Variants in MSRA observed in about 807,000 individuals in gnomAD.
MSRA encodes the protein mitochondrial peptide methionine sulfoxide reductase.
In MSRA, 54 loss-of-function variants were observed where a neutral mutation model predicts 31.3. That is an observed-to-expected ratio of 1.73 (90% CI 1.39 to 2.17). MSRA has a LOEUF of 2.17. MSRA is among the 30% of genes most tolerant of loss of function. The pLI is 0.00. For synonymous variants in MSRA, 169 were observed against 116.5 expected, an observed-to-expected ratio of 1.45 and a Z score of -2.90; for missense variants, 507 against 300.9, an observed-to-expected ratio of 1.69 and a Z score of -5.07.
chr8:10,275,096 T>C (rs924122617), intron 3 of MSRA, among the ~76,000 whole-genome samples: 4 of 152,306 alleles, frequency 2.6e-5, no homozygotes, highest in East Asian at 1.9e-4. Flanking sequence ...ATAATTCTTA[T>C]TTGCTGCCTT....
chr8:10,072,302 A>C (rs1315557128), intron 1 of MSRA, among the ~76,000 whole-genome samples: 1 of 37,898 alleles, frequency 2.6e-5, no homozygotes, highest in Non-Finnish European at 4.6e-5. Flanking sequence ...TCCCTTTCGC[A>C]ACATTTTTTT....
intron 2 of MSRA, among the ~76,000 whole-genome samples, chr8:10,212,008 G>T (rs377237790): frequency 1.3e-5 from 2 of 152,024 alleles, no homozygotes; most frequent in Admixed American, 6.5e-5. Context: ...AAGATTCTTG[G>T]TACAATTAAA....
At chr8:10,354,335 G>A (rs1296685970) in intron 5 of MSRA, among the ~76,000 whole-genome samples, 1 of 152,146 alleles carries the variant, frequency 6.6e-6, no homozygotes, top group Non-Finnish European at 1.5e-5. Context: ...AGATTCAAGG[G>A]TAGCACACAC....
intron 4 of MSRA, among the ~76,000 whole-genome samples, chr8:10,303,690 G>T (rs1465494841): frequency 1.3e-5 from 2 of 152,160 alleles, no homozygotes; most frequent in Non-Finnish European, 2.9e-5. Flanking sequence ...CTTTCCATAG[G>T]TCAGTGGCCT....
chr8:10,308,001 C>T (rs924069446), intron 4 of MSRA, among the ~76,000 whole-genome samples: 27 of 152,196 alleles, frequency 1.8e-4, no homozygotes, highest in African/African-American at 6.5e-4. Flanking sequence ...CATTCTCTTC[C>T]ACTTCCTCCC....
At chr8:10,091,284 A>C (rs1798841263) in intron 1 of MSRA, among the ~76,000 whole-genome samples, 1 of 152,224 alleles carries the variant, frequency 6.6e-6, no homozygotes, top group Non-Finnish European at 1.5e-5. Flanking sequence ...AAAGTGACAA[A>C]AATTGTATTT....
intron 2 of MSRA, among the ~76,000 whole-genome samples, chr8:10,221,257 C>T (rs182347185): frequency 1.3e-5 from 2 of 152,278 alleles, no homozygotes; most frequent in Middle Eastern, 3.4e-3. Flanking sequence ...AACAGCTTTT[C>T]AATTGCTGTG....
At chr8:10,346,258 A>T (rs1265350795) in intron 5 of MSRA, among the ~76,000 whole-genome samples, 1 of 152,164 alleles carries the variant, frequency 6.6e-6, no homozygotes, top group Non-Finnish European at 1.5e-5. Flanking sequence ...TCCTGAAAAT[A>T]TGGGAGTATA....
At chr8:10,426,167 C>G (rs944103378) in intron 5 of MSRA, among the ~76,000 whole-genome samples, 4 of 152,214 alleles carry the variant, frequency 2.6e-5, no homozygotes, top group African/African-American at 9.7e-5. Flanking sequence ...AAATCTACCC[C>G]TGTTAGTTAG....
intron 3 of MSRA, among the ~76,000 whole-genome samples, chr8:10,272,919 C>G (rs1000770528): frequency 1.3e-5 from 2 of 152,108 alleles, no homozygotes; most frequent in Non-Finnish European, 2.9e-5. Flanking sequence ...TTAGGAGAAA[C>G]TGCACAAGTT....
At chr8:10,267,659 A>T (rs1300254773) in intron 3 of MSRA, among the ~76,000 whole-genome samples, 1 of 152,030 alleles carries the variant, frequency 6.6e-6, no homozygotes. Context: ...AGGAAGGAGC[A>T]CCGGAGTTGG....
intron 1 of MSRA, among the ~76,000 whole-genome samples, chr8:10,055,386 A>T (rs561459118): frequency 6.6e-6 from 1 of 152,244 alleles, no homozygotes; most frequent in Non-Finnish European, 1.5e-5. Flanking sequence ...CTGCTATAAA[A>T]GTTTTCAAAA....
chr8:10,143,518 G>A lies in MSRA; in HGVS notation c.143-64315G>A, dbSNP rs377329027. The stretch of plus-strand genomic sequence containing the variant: ...CATCACGAGGCTCTATATCCTTATG[G>A]ATTAAATCGCAGTTCTCATCGACAA... On this transcript the variant is annotated intron_variant, in intron 1 of 5. Transcript: ENST00000317173. 3.9e-4 allele frequency among the ~76,000 whole-genome samples: 60 copies of A among 152,258 alleles called. 2 individuals carry two copies. In the South Asian group the frequency reaches 0.012, roughly 31 times the overall value.
At chr8:10,304,253 C>A (rs1047479287) in intron 4 of MSRA, among the ~76,000 whole-genome samples, 1 of 152,214 alleles carries the variant, frequency 6.6e-6, no homozygotes, top group Non-Finnish European at 1.5e-5. Flanking sequence ...TGTACTAAAT[C>A]ACTAAGGCAT....
chr8:10,280,877 T>G (rs1799586837), intron 3 of MSRA, among the ~76,000 whole-genome samples: 2 of 152,228 alleles, frequency 1.3e-5, no homozygotes. Context: ...ATTGAAAATG[T>G]GCTACATGAA....
At chr8:10,406,545 G>T (rs1807828678) in intron 5 of MSRA, among the ~76,000 whole-genome samples, 1 of 152,186 alleles carries the variant, frequency 6.6e-6, no homozygotes, top group Admixed American at 6.5e-5. Context: ...TACATCCAGG[G>T]TGTTGGTGCA....
intron 1 of MSRA, among the ~76,000 whole-genome samples, chr8:10,175,751 C>G (rs1487737317): frequency 1.3e-5 from 2 of 152,184 alleles, no homozygotes; most frequent in Non-Finnish European, 2.9e-5. Flanking sequence ...TAATCATTGT[C>G]ACGGAGGACC....
At chr8:10,181,659 A>G (rs932201772) in intron 1 of MSRA, among the ~76,000 whole-genome samples, 2 of 152,184 alleles carry the variant, frequency 1.3e-5, no homozygotes, top group Admixed American at 1.3e-4. Context: ...AGAGAGGGCA[A>G]GAGTAGAGTC....
chr8:10,344,733 G>A (rs1382204712), intron 5 of MSRA, among the ~76,000 whole-genome samples: 1 of 152,126 alleles, frequency 6.6e-6, no homozygotes, highest in Non-Finnish European at 1.5e-5. Context: ...GCATGTCAGG[G>A]ATAGCTTCGT....
Sources: allele counts gnomAD v4.1 joint callset (sites outside exome capture counted in the v4.1 genomes callset), GRCh38; gene constraint gnomAD v4.1.1; transcripts MANE v1.5; gene names NCBI Gene and HGNC (gene_info 2026-07-23, HGNC 2026-07-21).